PPHLN1: variants seen among roughly 807,000 people sequenced by gnomAD.
The protein encoded by PPHLN1 is periphilin-1.
A neutral mutation model predicts 51.3 loss-of-function variants in PPHLN1; 29 were observed. That is an observed-to-expected ratio of 0.57 (90% confidence interval 0.42 to 0.77). PPHLN1 has a LOEUF of 0.77. Ranked by LOEUF, PPHLN1 falls within the 30% of genes least tolerant of loss-of-function variation. The probability of loss-of-function intolerance (pLI) is 0.00; values close to 1 mark genes in which losing one functional copy is unlikely to be tolerated. For missense variants in PPHLN1, 436 were observed against 438.4 expected, an observed-to-expected ratio of 0.99 and a Z score of 0.05; for synonymous variants, 147 against 147.8, an observed-to-expected ratio of 0.99 and a Z score of 0.04.
intron 4 of PPHLN1, among the ~76,000 whole-genome samples, chr12:42,369,900 A>T (rs1248739945): frequency 1.3e-5 from 2 of 152,182 alleles, no homozygotes; most frequent in African/African-American, 4.8e-5. Flanking sequence ...CTTGATGATT[A>T]CAATTTCTGA....
chr12:42,349,796 C>T (rs4359266), intron 2 of PPHLN1, among the ~76,000 whole-genome samples: 92,563 of 151,562 alleles, frequency 0.61, 28,461 homozygotes, highest in Admixed American at 0.67. Flanking sequence ...GAGTCTCCTA[C>T]GTCTACTTCT....
chr12:42,361,657 T>G (rs2074702362), intron 4 of PPHLN1: 2 of 152,242 alleles, frequency 1.3e-5, no homozygotes, highest in Non-Finnish European at 2.9e-5. Flanking sequence ...TTCAAATATT[T>G]GCTTGTGACA....
chr12:42,362,218 A>T (rs2074772885), intron 4 of PPHLN1, among the ~76,000 whole-genome samples: 1 of 150,944 alleles, frequency 6.6e-6, no homozygotes, highest in South Asian at 2.1e-4. Flanking sequence ...GAGTTTTTTG[A>T]TTTTTTTTAA....
intron 9 of PPHLN1, among the ~76,000 whole-genome samples, chr12:42,415,597 G>A (rs1010908424): frequency 6.6e-6 from 1 of 152,218 alleles, no homozygotes; most frequent in African/African-American, 2.4e-5. Flanking sequence ...GGTAATGTCT[G>A]TCATCCCTAC....
At chr12:42,338,837 T>A (rs1368315271) in intron 2 of PPHLN1, among the ~76,000 whole-genome samples, 17 of 152,204 alleles carry the variant, frequency 1.1e-4, no homozygotes, top group Non-Finnish European at 2.9e-5. Context: ...ACCTCAGTAT[T>A]GTTTAAAAGT....
chr12:42,333,658 AT>A (rs1436505801), intron 1 of PPHLN1, among the ~76,000 whole-genome samples: 8 of 151,724 alleles, frequency 5.3e-5, no homozygotes. Context: ...AATTTTTTGT[AT>A]TTTTAGTAGA....
chr12:42,389,796 T>C (rs1163724294), intron 7 of PPHLN1, among the ~76,000 whole-genome samples: 1 of 152,016 alleles, frequency 6.6e-6, no homozygotes, highest in Non-Finnish European at 1.5e-5. Context: ...GGCAGATACC[T>C]AACATGTATG....
chr12:42,446,732 G>C (rs943607190), downstream of PPHLN1: 2 of 1,376,174 alleles, frequency 1.5e-6, no homozygotes, highest in Non-Finnish European at 2.0e-6. Context: ...GGTAGGAGAA[G>C]CTATAAGGAA....
chr12:42,368,208 AT>A (rs570432771), intron 4 of PPHLN1, among the ~76,000 whole-genome samples: 1 of 151,198 alleles, frequency 6.6e-6, no homozygotes, highest in Non-Finnish European at 1.5e-5. Flanking sequence ...ATACTTACAA[AT>A]TTTTTTTTCT....
intron 4 of PPHLN1, among the ~76,000 whole-genome samples, chr12:42,358,929 G>A (rs750520422): frequency 6.6e-6 from 1 of 152,002 alleles, no homozygotes; most frequent in Non-Finnish European, 1.5e-5. Context: ...ATGTCAGTTT[G>A]CCTGCTAAAA....
chr12:42,341,553 C>T (rs902331778), intron 2 of PPHLN1, among the ~76,000 whole-genome samples: 3 of 152,106 alleles, frequency 2.0e-5, no homozygotes, highest in African/African-American at 7.2e-5. Flanking sequence ...GCAAACTTAT[C>T]CTCAATATAC....
chr12:42,340,434 C>T (rs1258824702), intron 2 of PPHLN1, among the ~76,000 whole-genome samples: 3 of 151,982 alleles, frequency 2.0e-5, no homozygotes, highest in Non-Finnish European at 4.4e-5. Flanking sequence ...TTTGTAAGAG[C>T]TTCAAACTGA....
chr12:42,358,452 G>A (rs1199126807), intron 4 of PPHLN1, among the ~76,000 whole-genome samples: 1 of 152,148 alleles, frequency 6.6e-6, no homozygotes, highest in Admixed American at 6.5e-5. Flanking sequence ...ATGCAATGGT[G>A]TGATCATGGC....
chr12:42,333,099 A>T (rs1312534556), intron 1 of PPHLN1, among the ~76,000 whole-genome samples: 1 of 152,184 alleles, frequency 6.6e-6, no homozygotes, highest in African/African-American at 2.4e-5. Context: ...ATGCATATAT[A>T]TTCATACCTG....
intron 2 of PPHLN1, among the ~76,000 whole-genome samples, chr12:42,338,127 G>C (rs150364472): frequency 6.6e-6 from 1 of 151,956 alleles, no homozygotes; most frequent in Non-Finnish European, 1.5e-5. Context: ...GGGTTTTGCC[G>C]TGTTGGCCAG....
chr12:42,328,637 G>T (rs1388201808), intron 1 of PPHLN1, among the ~76,000 whole-genome samples: 2 of 152,232 alleles, frequency 1.3e-5, no homozygotes, highest in African/African-American at 4.8e-5. Flanking sequence ...GTACATTCGG[G>T]CTTATAAAAG....
chr12:42,407,385 A>G (rs1008335170), intron 9 of PPHLN1, among the ~76,000 whole-genome samples: 4 of 152,238 alleles, frequency 2.6e-5, no homozygotes, highest in Non-Finnish European at 4.4e-5. Flanking sequence ...TTTCCTTGCC[A>G]TATGGGCCTC....
At chr12:42,344,255 T>G (rs2071932343) in intron 2 of PPHLN1, among the ~76,000 whole-genome samples, 1 of 152,216 alleles carries the variant, frequency 6.6e-6, no homozygotes, top group South Asian at 2.1e-4. Context: ...TGGCATTGAT[T>G]ATTTACATAT....
chr12:42,432,721 A>T (rs964801562), intron 9 of PPHLN1, among the ~76,000 whole-genome samples: 5 of 152,332 alleles, frequency 3.3e-5, no homozygotes, highest in African/African-American at 1.2e-4. Flanking sequence ...TGTTACTACC[A>T]TGTGTTCCTA....
Sources: allele counts gnomAD v4.1 joint callset (sites outside exome capture counted in the v4.1 genomes callset), GRCh38; gene constraint gnomAD v4.1.1; transcripts MANE v1.5; gene names NCBI Gene and HGNC (gene_info 2026-07-23, HGNC 2026-07-21).